TBC1D9: variants seen among roughly 807,000 people sequenced by gnomAD.
TBC1D9 encodes TBC1 domain family member 9, also known as TBC1 domain family member 9A.
TBC1D9 carries 63 observed loss-of-function variants against 132.0 expected under a neutral mutation model. The observed-to-expected ratio is 0.48, with a 90% CI of 0.39 to 0.59. The LOEUF (loss-of-function observed/expected upper bound fraction) is 0.59. TBC1D9 is among the 20% of genes least tolerant of loss of function. TBC1D9 has a pLI of 0.00. For synonymous variants in TBC1D9, 610 were observed against 609.9 expected (o/e 1.00, Z 0.00); for missense variants, 1,261 against 1,592.7 (o/e 0.79, Z 3.54).
chr4:140,730,703 G>T (rs74543778), intron 1 of TBC1D9, among the ~76,000 whole-genome samples: 3,030 of 152,224 alleles, frequency 0.02, 108 homozygotes, highest in East Asian at 0.15. Context: ...TCCAGCCTGG[G>T]CAACAGAGCA....
At position 140,736,866 on chromosome 4, in the gene TBC1D9, C is replaced by T. The variant is rs181218993; in HGVS notation, c.130+19050G>A. On this transcript the variant is annotated intron_variant, in intron 1 of 20. Transcript: ENST00000442267. ...TCTGGACCCCACTCTTCTCTCCATT[C>T]CCCTGTGGGGAAGCAGAATTAGCAA... Among the ~76,000 whole-genome samples the T allele has an allele frequency of 2.6e-5, 4 of 152,334 alleles. No homozygotes were observed. In the East Asian group the frequency reaches 7.7e-4, roughly 29 times the overall value.
intron 6 of TBC1D9, among the ~76,000 whole-genome samples, chr4:140,676,213 C>A (rs1264078055): frequency 6.6e-6 from 1 of 152,230 alleles, no homozygotes; most frequent in African/African-American, 2.4e-5. Flanking sequence ...TCTTTCCCTC[C>A]TGCCTCCTCT....
rs200892582 is a variant in TBC1D9 at position 140,684,740 on chromosome 4, GA to G, written c.360+1603del. Among the ~76,000 whole-genome samples the G allele has an allele frequency of 6.7e-4, 101 of 151,268 alleles. 1 individual carries two copies. In the East Asian group the frequency reaches 0.02, roughly 30 times the overall value. On this transcript the variant is annotated intron_variant, in intron 3 of 20. Transcript: ENST00000442267. Reference sequence around the variant, plus strand: ...GCAGTCTTGACCTCCTGAGGCAGGAGAATTGCTTGAACCCAGGAGGCAGAGT... The same window carrying G: ...GCAGTCTTGACCTCCTGAGGCAGGAGATTGCTTGAACCCAGGAGGCAGAGT...
chr4:140,729,536 G>T (rs990847561), intron 1 of TBC1D9, among the ~76,000 whole-genome samples: 2 of 152,068 alleles, frequency 1.3e-5, no homozygotes, highest in Non-Finnish European at 2.9e-5. Flanking sequence ...ACACAACAGG[G>T]TTTTTCTCCC....
intron 18 of TBC1D9, among the ~76,000 whole-genome samples, chr4:140,626,818 T>C (rs1736716097): frequency 6.6e-6 from 1 of 152,184 alleles, no homozygotes; most frequent in African/African-American, 2.4e-5. Context: ...ACTGTCTCTG[T>C]TTTAGCCACT....
chr4:140,753,738 T>C (rs997755428), intron 1 of TBC1D9, among the ~76,000 whole-genome samples: 6 of 152,252 alleles, frequency 3.9e-5, no homozygotes, highest in Non-Finnish European at 8.8e-5. Flanking sequence ...ATTTCATCAA[T>C]ACCTGTCTTC....
chr4:140,745,508 G>A (rs1281347685), intron 1 of TBC1D9, among the ~76,000 whole-genome samples: 1 of 152,130 alleles, frequency 6.6e-6, no homozygotes, highest in African/African-American at 2.4e-5. Flanking sequence ...TGAAGACGAT[G>A]AGGACAAAAA....
Position 140,706,042 on chromosome 4 carries a change from G to A in TBC1D9, c.131-4428C>T, listed in dbSNP as rs1369615277. Among the ~76,000 whole-genome samples the A allele has an allele frequency of 2.0e-5, 3 of 152,198 alleles. No individual in the cohort carries two copies. Among genetic ancestry groups the A allele is most frequent in the Non-Finnish European group, 4.4e-5 (3 of 68,044 alleles). On this transcript the variant is annotated intron_variant, in intron 1 of 20. Transcript: ENST00000442267. This position sits in a 1 kb window ranked among gnomAD's most constrained non-coding sequence, Gnocchi z 4.0. ...TTGTGGGCACTGGAAGATGTGTGATGCACAGTCACCACTGCACAACTGCAG... is the reference window on the plus strand; with the variant it reads ...TTGTGGGCACTGGAAGATGTGTGATACACAGTCACCACTGCACAACTGCAG...
chr4:140,726,939 T>C (rs1738511300), intron 1 of TBC1D9, among the ~76,000 whole-genome samples: 1 of 152,198 alleles, frequency 6.6e-6, no homozygotes, highest in African/African-American at 2.4e-5. Context: ...TCATAACAAC[T>C]GATATGCGGT....
At chr4:140,718,942 T>G (rs959789902) in intron 1 of TBC1D9, among the ~76,000 whole-genome samples, 12 of 151,888 alleles carry the variant, frequency 7.9e-5, no homozygotes, top group Non-Finnish European at 1.3e-4. Flanking sequence ...AAAATTTGTA[T>G]TTTTAGTCTC....
chr4:140,699,165 C>T (rs1262420682), intron 2 of TBC1D9, among the ~76,000 whole-genome samples: 1 of 151,782 alleles, frequency 6.6e-6, no homozygotes, highest in African/African-American at 2.4e-5. Context: ...GGATTATAAC[C>T]CAGAAGACAA....
chr4:140,669,491 TA>T (rs1453310973), intron 8 of TBC1D9, 142 bp downstream of exon 8: 1 of 929,024 alleles, frequency 1.1e-6, no homozygotes, highest in Non-Finnish European at 1.6e-6. Context: ...GTGAAAGTTA[TA>T]ACATATTTAG....
chr4:140,655,490 T>C (rs1737253081), intron 13 of TBC1D9, among the ~76,000 whole-genome samples: 1 of 152,152 alleles, frequency 6.6e-6, no homozygotes, highest in African/African-American at 2.4e-5. Context: ...CCAATCAAAA[T>C]CACAAAACAC....
At chr4:140,754,877 G>C (rs1292773112) in intron 1 of TBC1D9, among the ~76,000 whole-genome samples, 1 of 152,068 alleles carries the variant, frequency 6.6e-6, no homozygotes, top group Non-Finnish European at 1.5e-5. Flanking sequence ...AAGAAAATTA[G>C]TTTATAAATA....
Position 140,701,317 on chromosome 4 carries a change from G to C in TBC1D9, c.241+187C>G, listed in dbSNP as rs564141545. Among the ~76,000 whole-genome samples the C allele has an allele frequency of 1.1e-4, 17 of 152,360 alleles. No individual in the cohort carries two copies. In the Middle Eastern group the frequency reaches 0.014, roughly 122 times the overall value. ...GATCCCAACACGACTCTATCAGAGT[G>C]AGAAAGAAACTTTCATTGTGTTAAG... On this transcript the variant is annotated intron_variant, in intron 2 of 20. Transcript: ENST00000442267.
rs888394155 is a variant in TBC1D9, at chr4:140,635,620, A to G, written c.2506-1432T>C. ...TTGCTCTCCCTTAGAAAAGGAGCAA[A>G]GAAGATCAATGTCTTTTCACAATTG... On this transcript the variant is annotated intron_variant, in intron 15 of 20. Transcript: ENST00000442267. 2.0e-5 allele frequency among the ~76,000 whole-genome samples: 3 copies of G among 152,240 alleles called. No homozygotes were observed. The East Asian group carries it at 5.8e-4, about 29-fold the overall frequency.
chr4:140,721,303 G>A (rs1738420188), intron 1 of TBC1D9, among the ~76,000 whole-genome samples: 1 of 152,156 alleles, frequency 6.6e-6, no homozygotes, highest in Non-Finnish European at 1.5e-5. Flanking sequence ...GCTAACAGTG[G>A]TGACCTTACG....
At chr4:140,639,488 C>G in intron 13 of TBC1D9, 60 bp from the exon 14 acceptor site, 1 of 1,174,926 alleles carries the variant, frequency 8.5e-7, no homozygotes, top group South Asian at 1.3e-5. Flanking sequence ...AATGTCCTGT[C>G]TGCAGAATGC....
chr4:140,624,405 C>T lies in TBC1D9; in HGVS notation c.2900-17G>A. 6.2e-7 allele frequency: 1 copy of T among 1,602,346 alleles called. No homozygotes were observed. The highest frequency in any genetic ancestry group is 1.1e-5 in the South Asian group (1 of 89,554). ...ATCCAACAACTACCAAGAAATGGTTCAGAAGAAAAAAGTAGAATGTTATAT... is the reference window on the plus strand; with the variant it reads ...ATCCAACAACTACCAAGAAATGGTTTAGAAGAAAAAAGTAGAATGTTATAT... On this transcript the variant is annotated splice_polypyrimidine_tract_variant and intron_variant, in intron 18 of 20. Transcript: ENST00000442267.
Sources: allele counts gnomAD v4.1 joint callset (sites outside exome capture counted in the v4.1 genomes callset), GRCh38; gene constraint gnomAD v4.1.1; non-coding constraint Gnocchi (gnomAD v3.1); transcripts MANE v1.5; gene names NCBI Gene and HGNC (gene_info 2026-07-23, HGNC 2026-07-21).